The following SPOCK3 variants were observed in gnomAD, a reference collection of about 807,000 sequenced individuals.
SPOCK3 encodes testican-3.
SPOCK3 carries 30 observed loss-of-function variants against 56.6 expected under a neutral mutation model. The observed-to-expected ratio is 0.53, with a 90% CI of 0.40 to 0.72. SPOCK3 has a LOEUF of 0.72. SPOCK3 is among the 30% of genes least tolerant of loss of function. The pLI is 0.00. For synonymous variants in SPOCK3, 196 were observed against 183.3 expected (o/e 1.07, Z -0.56); for missense variants, 527 against 530.0 (o/e 0.99, Z 0.06).
At chr4:166,873,070 G>T (rs573368584) in intron 6 of SPOCK3, among the ~76,000 whole-genome samples, 59 of 152,186 alleles carry the variant, frequency 3.9e-4, no homozygotes, top group Non-Finnish European at 7.5e-4. Context: ...GGGATCTGCT[G>T]CTATGACCCA....
intron 6 of SPOCK3, among the ~76,000 whole-genome samples, chr4:166,808,457 T>TCA (rs1161647803): frequency 3.9e-5 from 6 of 151,950 alleles, no homozygotes; most frequent in African/African-American, 1.4e-4. Flanking sequence ...TCTCTCTCTC[T>TCA]CTCTCTCTCT....
chr4:167,205,401 A>T, intron 2 of SPOCK3, among the ~76,000 whole-genome samples: 1 of 40,564 alleles, frequency 2.5e-5, no homozygotes. Flanking sequence ...TTTATATATA[A>T]TATATTATAT....
At chr4:166,825,823 T>C (rs1003007051) in intron 6 of SPOCK3, among the ~76,000 whole-genome samples, 2 of 152,034 alleles carry the variant, frequency 1.3e-5, no homozygotes, top group East Asian at 1.9e-4. Context: ...TTCTCACTTA[T>C]AAGTGGGAGC....
chr4:166,890,430 C>G (rs922539705), intron 5 of SPOCK3, among the ~76,000 whole-genome samples: 2 of 151,806 alleles, frequency 1.3e-5, no homozygotes, highest in Admixed American at 1.3e-4. Context: ...CACGCAGTAG[C>G]TATCATGAAC....
intron 6 of SPOCK3, among the ~76,000 whole-genome samples, chr4:166,879,235 A>C (rs1282860803): frequency 6.6e-6 from 1 of 152,062 alleles, no homozygotes; most frequent in African/African-American, 2.4e-5. Context: ...TACCAATAAG[A>C]GTTATAGCCA....
At chr4:167,094,530 A>G (rs879833551) in intron 2 of SPOCK3, among the ~76,000 whole-genome samples, 2 of 152,140 alleles carry the variant, frequency 1.3e-5, no homozygotes, top group Non-Finnish European at 2.9e-5. Context: ...TAACAATCAT[A>G]TCAATTAATG....
chr4:167,081,006 G>A (rs553691586), intron 2 of SPOCK3, among the ~76,000 whole-genome samples: 14 of 149,800 alleles, frequency 9.3e-5, no homozygotes, highest in East Asian at 2.0e-4. Flanking sequence ...TCAGCCTCCC[G>A]AGTAGCTGGA....
intron 2 of SPOCK3, among the ~76,000 whole-genome samples, chr4:167,124,902 G>A (rs1762138683): frequency 6.6e-6 from 1 of 152,034 alleles, no homozygotes; most frequent in Admixed American, 6.6e-5. Context: ...ATAAGGTCTT[G>A]CGGTCTTGGC....
At chr4:166,765,460 T>G (rs1737878391) in intron 7 of SPOCK3, among the ~76,000 whole-genome samples, 1 of 152,242 alleles carries the variant, frequency 6.6e-6, no homozygotes, top group African/African-American at 2.4e-5. Flanking sequence ...TCCCCATTTC[T>G]TGTTTTTGTC....
intron 7 of SPOCK3, among the ~76,000 whole-genome samples, chr4:166,778,415 A>C (rs1739806139): frequency 6.6e-6 from 1 of 152,186 alleles, no homozygotes; most frequent in Non-Finnish European, 1.5e-5. Context: ...GTAAATGTGC[A>C]TTTCAAAACC....
At chr4:166,906,509 T>C (rs1423475215) in intron 5 of SPOCK3, among the ~76,000 whole-genome samples, 1 of 150,886 alleles carries the variant, frequency 6.6e-6, no homozygotes, top group Non-Finnish European at 1.5e-5. Flanking sequence ...AAACCTACCT[T>C]CTACTATACA....
At chr4:167,044,262 T>C (rs1474700376) in intron 3 of SPOCK3, among the ~76,000 whole-genome samples, 1 of 152,058 alleles carries the variant, frequency 6.6e-6, no homozygotes. Context: ...ATTATCCTTT[T>C]AATGTTCATG....
chr4:167,086,318 A>ATT (rs1758192468), intron 2 of SPOCK3, among the ~76,000 whole-genome samples: 1 of 152,110 alleles, frequency 6.6e-6, no homozygotes, highest in South Asian at 2.1e-4. Flanking sequence ...AATAAAATCC[A>ATT]TTTATTAAAG....
chr4:166,813,770 A>T (rs1744093712), intron 6 of SPOCK3, among the ~76,000 whole-genome samples: 1 of 152,008 alleles, frequency 6.6e-6, no homozygotes, highest in Admixed American at 6.6e-5. Flanking sequence ...ACCAAAATAA[A>T]CTCATATTCT....
chr4:166,888,725 G>A (rs1734456429), intron 6 of SPOCK3, among the ~76,000 whole-genome samples: 1 of 151,842 alleles, frequency 6.6e-6, no homozygotes, highest in African/African-American at 2.4e-5. Context: ...TATTTAAAAT[G>A]GTTAGTATTA....
At chr4:166,963,210 G>C (rs1744337270) in intron 4 of SPOCK3, among the ~76,000 whole-genome samples, 1 of 151,906 alleles carries the variant, frequency 6.6e-6, no homozygotes, top group African/African-American at 2.4e-5. Flanking sequence ...TCCTGAACTT[G>C]ACTACCATTA....
chr4:166,822,651 C>T (rs1429116500), intron 6 of SPOCK3, among the ~76,000 whole-genome samples: 1 of 152,048 alleles, frequency 6.6e-6, no homozygotes, highest in Non-Finnish European at 1.5e-5. Flanking sequence ...CTGTCTTTTT[C>T]AAACAGGATT....
chr4:166,889,018 G>C (rs1734486467), intron 6 of SPOCK3, 112 bp downstream of exon 6: 4 of 682,944 alleles, frequency 5.9e-6, no homozygotes, highest in Admixed American at 5.2e-5. Context: ...AAATGATATT[G>C]GGTATTTGTA....
At chr4:167,234,265 G>A (rs1329583506) in intron 1 of SPOCK3, 92 bp from the exon 2 acceptor site, 8 of 1,247,424 alleles carry the variant, frequency 6.4e-6, no homozygotes, top group Admixed American at 3.9e-5. Flanking sequence ...ACATGCATTA[G>A]CAACGACGAG....
Sources: allele counts gnomAD v4.1 joint callset (sites outside exome capture counted in the v4.1 genomes callset), GRCh38; gene constraint gnomAD v4.1.1; transcripts MANE v1.5; gene names NCBI Gene and HGNC (gene_info 2026-07-23, HGNC 2026-07-21).